Variants in MTUS2 observed in about 807,000 individuals in gnomAD.
MTUS2 encodes microtubule-associated tumor suppressor candidate 2.
Under a neutral mutation model 114.1 loss-of-function variants are expected in MTUS2, and 40 were observed. The ratio of observed to expected loss-of-function variants is 0.35; its 90% CI spans 0.27 to 0.46. The LOEUF is 0.46. Among genes scored for constraint, MTUS2 ranks in the 20% least tolerant of loss-of-function variants. The pLI is 1.00. For missense variants in MTUS2, 1,679 were observed against 1,705.4 expected (o/e 0.98, Z 0.27); for synonymous variants, 688 against 672.0 (o/e 1.02, Z -0.37).
intron 5 of MTUS2, among the ~76,000 whole-genome samples, chr13:29,209,454 C>G (rs1895331037): frequency 6.7e-6 from 1 of 150,124 alleles, no homozygotes; most frequent in South Asian, 2.1e-4. Flanking sequence ...AGGTACTATT[C>G]TATTCATCAT....
chr13:29,047,775 G>T (rs1043257862), intron 4 of MTUS2, among the ~76,000 whole-genome samples: 3 of 152,192 alleles, frequency 2.0e-5, no homozygotes, highest in Non-Finnish European at 2.9e-5. Flanking sequence ...CTCCCAAAGT[G>T]CTGGGATTAC....
At chr13:28,935,157 A>T (rs1024664607) in intron 2 of MTUS2, among the ~76,000 whole-genome samples, 10 of 151,978 alleles carry the variant, frequency 6.6e-5, no homozygotes, top group African/African-American at 2.2e-4. Flanking sequence ...CATTGCTGTG[A>T]AGTGTCCTAT....
chr13:29,119,053 C>T lies in MTUS2; in HGVS notation c.2644+18083C>T, dbSNP rs568730578. ...TATTTCTTGTACGTTTTTCTCTGAT[C>T]ACAATTGGAGGACATACAAGATACG... On this transcript the variant is annotated intron_variant, in intron 5 of 15. Transcript: ENST00000612955. Among the ~76,000 whole-genome samples, 5 of 152,268 alleles carry T rather than the reference C, an allele frequency of 3.3e-5. No individual in the cohort carries two copies. In the South Asian group the frequency reaches 1.0e-3, roughly 32 times the overall value.
At chr13:28,965,579 GTATATATGCATAACATACACATATATACA>G (rs1270348759) in intron 2 of MTUS2, among the ~76,000 whole-genome samples, 1 of 152,130 alleles carries the variant, frequency 6.6e-6, no homozygotes, top group Admixed American at 6.5e-5. Flanking sequence ...CGCTATATAT[GTATATATGCATAACATACACATATATACA>G]TATATGTGTG....
intron 2 of MTUS2, among the ~76,000 whole-genome samples, chr13:28,926,875 A>T (rs1881355771): frequency 6.6e-6 from 1 of 152,344 alleles, no homozygotes; most frequent in East Asian, 1.9e-4. Context: ...TGCTGAAATA[A>T]TAATAGTTAA....
chr13:29,229,581 A>G (rs1896244852), intron 5 of MTUS2, among the ~76,000 whole-genome samples: 1 of 152,208 alleles, frequency 6.6e-6, no homozygotes. Flanking sequence ...CTCGGTCTCA[A>G]TTTACCATTT....
intron 2 of MTUS2, among the ~76,000 whole-genome samples, chr13:28,993,406 T>C (rs192113097): frequency 5.6e-4 from 86 of 152,346 alleles, no homozygotes; most frequent in African/African-American, 2.0e-3. Context: ...ATACCTGTTA[T>C]TTTGTTATTC....
chr13:29,119,432 A>G (rs1891218756), intron 5 of MTUS2, among the ~76,000 whole-genome samples: 1 of 152,206 alleles, frequency 6.6e-6, no homozygotes, highest in Admixed American at 6.5e-5. Flanking sequence ...GTTTGAAAGC[A>G]TATATGACAA....
chr13:29,210,708 C>T (rs1332517897), intron 5 of MTUS2, among the ~76,000 whole-genome samples: 1 of 152,130 alleles, frequency 6.6e-6, no homozygotes, highest in East Asian at 1.9e-4. Context: ...CTGGGTCTAG[C>T]CACCTAGCTG....
chr13:29,400,027 A>T (rs1279336288), intron 8 of MTUS2, among the ~76,000 whole-genome samples: 2 of 152,242 alleles, frequency 1.3e-5, no homozygotes, highest in Non-Finnish European at 2.9e-5. Context: ...ATAGGCTGAG[A>T]ATGAATGCTG....
chr13:29,084,727 G>A (rs1436640625), intron 4 of MTUS2, among the ~76,000 whole-genome samples: 1 of 151,634 alleles, frequency 6.6e-6, no homozygotes, highest in East Asian at 1.9e-4. Flanking sequence ...TAGTAGAGGT[G>A]GGGTTTCACC....
At chr13:29,416,410 A>G (rs776486858) in intron 8 of MTUS2, among the ~76,000 whole-genome samples, 1 of 151,464 alleles carries the variant, frequency 6.6e-6, no homozygotes, top group Admixed American at 6.6e-5. Flanking sequence ...TTTTTGTCTT[A>G]GATCTATAAT....
At chr13:28,979,873 C>A (rs1010767205) in intron 2 of MTUS2, among the ~76,000 whole-genome samples, 1 of 152,122 alleles carries the variant, frequency 6.6e-6, no homozygotes, top group Non-Finnish European at 1.5e-5. Flanking sequence ...AAATTTGGAG[C>A]AACCTTTTTT....
intron 5 of MTUS2, among the ~76,000 whole-genome samples, chr13:29,218,287 A>G (rs1895764935): frequency 7.7e-5 from 1 of 13,030 alleles, no homozygotes; most frequent in Non-Finnish European, 2.1e-4. Context: ...TAAAATTGCA[A>G]CAGTTATACC....
intron 1 of MTUS2, among the ~76,000 whole-genome samples, chr13:28,837,564 A>G (rs547734814): frequency 6.6e-6 from 1 of 152,308 alleles, no homozygotes; most frequent in Non-Finnish European, 1.5e-5. Context: ...ACACATGTAT[A>G]TATCTACTTC....
intron 6 of MTUS2, among the ~76,000 whole-genome samples, chr13:29,288,817 A>G (rs1442351650): frequency 6.6e-6 from 1 of 152,064 alleles, no homozygotes; most frequent in Non-Finnish European, 1.5e-5. Context: ...ACAGCAGGGC[A>G]CTCCATAATG....
chr13:29,323,552 A>T (rs1010630445), intron 6 of MTUS2, among the ~76,000 whole-genome samples: 2 of 152,182 alleles, frequency 1.3e-5, no homozygotes, highest in African/African-American at 4.8e-5. Flanking sequence ...GCCCAGCCTG[A>T]TATGGCTCTT....
At chr13:29,226,251 A>G (rs553334478) in intron 5 of MTUS2, among the ~76,000 whole-genome samples, 2 of 152,242 alleles carry the variant, frequency 1.3e-5, no homozygotes, top group African/African-American at 2.4e-5. Context: ...GAATAAAGAT[A>G]CTTGGAAATA....
At chr13:28,882,066 AT>A (rs1010160502) in intron 2 of MTUS2, among the ~76,000 whole-genome samples, 24 of 148,942 alleles carry the variant, frequency 1.6e-4, no homozygotes, top group East Asian at 5.9e-4. Flanking sequence ...AATTATTTCA[AT>A]TTTTTTTTTT....
Sources: allele counts gnomAD v4.1 joint callset (sites outside exome capture counted in the v4.1 genomes callset), GRCh38; gene constraint gnomAD v4.1.1; transcripts MANE v1.5; gene names NCBI Gene and HGNC (gene_info 2026-07-23, HGNC 2026-07-21).